CNKSR1: variants seen among roughly 807,000 people sequenced by gnomAD.
CNKSR1 encodes the protein connector enhancer of kinase suppressor of Ras 1, also known as CNK homolog protein 1.
CNKSR1 carries 88 observed loss-of-function variants against 95.6 expected under a neutral mutation model. The ratio of observed to expected loss-of-function variants is 0.92; its 90% confidence interval spans 0.78 to 1.10. CNKSR1 has a LOEUF of 1.10. Ranked by LOEUF, CNKSR1 falls within the 50% of genes least tolerant of loss-of-function variation. CNKSR1 has a pLI of 0.00. For synonymous variants in CNKSR1, 355 were observed against 369.7 expected, an observed-to-expected ratio of 0.96 and a Z score of 0.46; for missense variants, 836 against 912.0, an observed-to-expected ratio of 0.92 and a Z score of 1.07.
chr1:26,180,296 C>A, intron 1 of CNKSR1, 157 bp from the exon 2 acceptor site: 2 of 870,444 alleles, frequency 2.3e-6, no homozygotes, highest in Non-Finnish European at 3.7e-6. Flanking sequence ...TGCTTCTCAA[C>A]TCAGTGGCCT....
Position 26,180,807 on chromosome 1 carries a change from G to T in CNKSR1, c.303G>T (p.Leu101=). 1.2e-6 allele frequency: 2 copies of T among 1,614,220 alleles called. No homozygotes were observed. The highest frequency in any genetic ancestry group is 8.5e-7 in the Non-Finnish European group (1 of 1,180,048). Residue 101 remains leucine (L), a synonymous_variant, in exon 3 of 21, where the codon CTG becomes CTT. Transcript: ENST00000361530. ...HDFQSIVQGC[L]GDCAKTPIDV... is the part of the protein sequence containing the mutation. ...TCCAGAGCATAGTCCAAGGCTGCCT[G>T]GGGGACTGTGCCAAGACCCCTATTG...
rs772640646 is a variant in CNKSR1 at position 26,183,968 on chromosome 1, AC to A, written c.856-96del. On this transcript the variant is annotated intron_variant, in intron 9 of 20. Transcript: ENST00000361530. ...GCTGCGCCCCCCTAGCTCCCTTCAG[AC>A]CCCCCCACAGGTACCTGCTCCTGCT... The A allele has an allele frequency of 2.3e-5, 12 of 514,294 alleles. No individual in the cohort carries two copies. In the African/African-American group the frequency reaches 2.5e-4, roughly 11 times the overall value. 31.9% of individuals were successfully genotyped at this position (514,294 alleles called of 1,614,324 possible).
At chr1:26,185,364 A>G (rs946727524) in intron 14 of CNKSR1, among the ~76,000 whole-genome samples, 178 bp downstream of exon 14, 6 of 151,816 alleles carry the variant, frequency 4.0e-5, no homozygotes, top group South Asian at 2.1e-4. Context: ...AGTTTGGAAA[A>G]GGTATCATAG....
chr1:26,179,988 T>A (rs950766970), intron 1 of CNKSR1, among the ~76,000 whole-genome samples: 12 of 151,954 alleles, frequency 7.9e-5, no homozygotes, highest in Non-Finnish European at 1.6e-4. Flanking sequence ...ATACAAAAAT[T>A]AGCTGGGTGT....
chr1:26,183,512 G>A, intron 8 of CNKSR1, 98 bp downstream of exon 8: 1 of 1,349,692 alleles, frequency 7.4e-7, no homozygotes, highest in Non-Finnish European at 1.1e-6. Flanking sequence ...GACCAGGGTT[G>A]TGGGAGCTGC....
chr1:26,185,663 A>AT (rs1274539530), intron 14 of CNKSR1, among the ~76,000 whole-genome samples: 1 of 151,998 alleles, frequency 6.6e-6, no homozygotes, highest in Non-Finnish European at 1.5e-5. Context: ...AAGTGCTGGG[A>AT]TTACAGGCGT....
chr1:26,189,301 T>A lies in CNKSR1; in HGVS notation c.1895T>A (p.Val632Asp). Residue 632 changes from valine to aspartate, a missense_variant, in exon 21 of 21, where the codon GTC (valine) becomes GAC (aspartate). Transcript: ENST00000361530. The part of the protein sequence containing the change: ...TLKAKLQELQ[V>D]LEEVLGDPEL... ...CAGGCAAAGCTGCAGGAGCTGCAGG[T>A]CCTAGAAGAAGTGCTGGGTGACCCT... 6.2e-7 allele frequency: 1 copy of A among 1,614,050 alleles called. No homozygotes were observed. Among genetic ancestry groups the A allele is most frequent in the Non-Finnish European group, 8.5e-7 (1 of 1,179,988 alleles).
Position 26,183,383 on chromosome 1 carries a change from A to G in CNKSR1, c.722A>G (p.Asp241Gly). Residue 241 changes from aspartate to glycine, a missense_variant, in exon 8 of 21, where the codon GAC (aspartate) becomes GGC (glycine). By Grantham distance (94) the Asp-to-Gly change is moderately conservative (BLOSUM62 -1). Coordinates refer to ENST00000361530, the MANE Select transcript of CNKSR1 (RefSeq NM_006314.3). ...TCCCGACTGCAGATCCAGCCTGGAGACGAGGTTGTCCAGATCAACGAGCAG... is the reference window on the plus strand; with the variant it reads ...TCCCGACTGCAGATCCAGCCTGGAGGCGAGGTTGTCCAGATCAACGAGCAG... ...TDSRLQIQPGDEVVQINEQVV... is the reference protein window; with the variant it reads ...TDSRLQIQPGGEVVQINEQVV... 6.2e-7 allele frequency: 1 copy of G among 1,614,130 alleles called. No individual in the cohort carries two copies.
In CNKSR1 at chr1:26,187,164, C is replaced by T; in HGVS notation, c.1309-4C>T. 6.2e-7 allele frequency: 1 copy of T among 1,612,780 alleles called. No individual in the cohort carries two copies. The highest frequency in any genetic ancestry group is 8.5e-7 in the Non-Finnish European group (1 of 1,178,920). ...ACCTGACCCTCATGCTGTGATCCCC[C>T]CAGGATGAGAAGGCTGAGGGCCTCA... On this transcript the variant is annotated splice_polypyrimidine_tract_variant and splice_region_variant and intron_variant, in intron 14 of 20. Transcript: ENST00000361530.
At position 26,188,848 on chromosome 1, in the gene CNKSR1, G is replaced by T. The variant is rs549647149; in HGVS notation, c.1767G>T (p.Gln589His). ...GCGTGTCCCTCCTAGGCCAGCCACA[G>T]CCCCTGACCCAGGAACAGTGGCGGA... Reference protein sequence around the residue: ...QGGVSLLGQPQPLTQEQWRSS... With the variant: ...QGGVSLLGQPHPLTQEQWRSS... The change falls in exon 20 of 21, where the codon CAG (glutamine) becomes CAT (histidine). Residue 589 changes from glutamine to histidine, a missense_variant. By Grantham distance (24) the Gln-to-His change is conservative. Transcript: ENST00000361530. 1.9e-6 allele frequency: 3 copies of T among 1,613,692 alleles called. No homozygotes were observed. The African/African-American group carries it at 4.0e-5, about 22-fold the overall frequency.
chr1:26,183,905 ACCTGC>A, intron 9 of CNKSR1, 75 bp downstream of exon 9: 1 of 470,118 alleles, frequency 2.1e-6, no homozygotes, highest in South Asian at 1.7e-5. Context: ...CCACCCCCAC[ACCTGC>A]CTTCAGACCC....
intron 1 of CNKSR1, among the ~76,000 whole-genome samples, chr1:26,177,835 C>A (rs2088586905): frequency 6.6e-6 from 1 of 152,098 alleles, no homozygotes; most frequent in African/African-American, 2.4e-5. Context: ...GGGGTGGTGG[C>A]AGGTGCCTGT....
chr1:26,182,619 C>T, intron 6 of CNKSR1, 35 bp downstream of exon 6: 1 of 1,554,902 alleles, frequency 6.4e-7, no homozygotes, highest in Non-Finnish European at 8.8e-7. Flanking sequence ...ACTTCTGACC[C>T]CTTGGCAGCC....
Position 26,184,248 on chromosome 1 carries a change from T to A in CNKSR1, c.961T>A (p.Ser321Thr), listed in dbSNP as rs866662054. Residue 321 changes from serine (S) to threonine (T), a missense_variant, in exon 11 of 21, where the codon TCT (serine) becomes ACT (threonine). Transcript: ENST00000361530. Reference protein sequence around the residue: ...PSEDVFAFDLSSNPSPGPSPA... With the variant: ...PSEDVFAFDLTSNPSPGPSPA... ...TGAAGACGTCTTTGCCTTTGACCTG[T>A]CTTCAAACCCCAGTCCCGGACCCAG... 1.9e-6 allele frequency: 3 copies of A among 1,613,388 alleles called. No individual in the cohort carries two copies. The East Asian group carries it at 6.7e-5, about 36-fold the overall frequency.
chr1:26,188,592 C>T lies in CNKSR1; in HGVS notation c.1591-6C>T. 1 of 1,613,640 alleles carries T rather than the reference C, an allele frequency of 6.2e-7. No individual in the cohort carries two copies. Among genetic ancestry groups the T allele is most frequent in the Non-Finnish European group, 8.5e-7 (1 of 1,179,810 alleles). On this transcript the variant is annotated splice_region_variant and splice_polypyrimidine_tract_variant and intron_variant, in intron 18 of 20. Coordinates refer to ENST00000361530, the MANE Select transcript of CNKSR1 (RefSeq NM_006314.3). ...AAACCCTCTGTGCTTTCCACCCTGC[C>T]TGCAGCCCAGCCCTGCTCAAGCTGG...
In CNKSR1 at chr1:26,184,529, G is replaced by A. The variant is rs80305988; in HGVS notation, c.1107+22G>A. On this transcript the variant is annotated intron_variant, in intron 12 of 20. Coordinates refer to ENST00000361530, the MANE Select transcript of CNKSR1 (RefSeq NM_006314.3). The stretch of plus-strand genomic sequence containing the variant: ...CAAGGTAAGCTCAGGGGCTTAGCAA[G>A]GGGGTGGGTGGGTCTGGACCTAGAT... The A allele has an allele frequency of 3.2e-3, 5,136 of 1,607,068 alleles. 112 individuals carry two copies. The African/African-American group carries it at 0.054, about 17-fold the overall frequency.
chr1:26,183,470 G>A, intron 8 of CNKSR1, 56 bp downstream of exon 8: 3 of 1,575,630 alleles, frequency 1.9e-6, no homozygotes, highest in Non-Finnish European at 2.6e-6. Flanking sequence ...TGGAACCCAA[G>A]TCTGGTGGGT....
At chr1:26,184,894 T>C in intron 13 of CNKSR1, 120 bp from the exon 14 acceptor site, 1 of 1,071,236 alleles carries the variant, frequency 9.3e-7, no homozygotes, top group Admixed American at 2.4e-5. Flanking sequence ...ACATGTAGCA[T>C]TCTGAGCAGA....
chr1:26,185,067 C>A lies in CNKSR1; in HGVS notation c.1189C>A (p.Pro397Thr), dbSNP rs2088723940. The stretch of plus-strand genomic sequence containing the variant: ...GGTGTCATGCCGTGAGCTGGGCCGG[C>A]CGGACTGTGACGGCTGGCTCCTGTT... ...RRVSCRELGR[P>T]DCDGWLLLRK... The change falls in exon 14 of 21, where the codon CCG becomes ACG. Residue 397 changes from proline to threonine, a missense_variant. Physicochemically the swap from Pro to Thr is conservative, Grantham distance 38. Coordinates refer to ENST00000361530, the MANE Select transcript of CNKSR1 (RefSeq NM_006314.3). 2 of 1,605,490 alleles carry A rather than the reference C, an allele frequency of 1.2e-6. No homozygotes were observed. The highest frequency in any genetic ancestry group is 1.7e-6 in the Non-Finnish European group (2 of 1,178,450).
Sources: allele counts gnomAD v4.1 joint callset (sites outside exome capture counted in the v4.1 genomes callset), GRCh38; gene constraint gnomAD v4.1.1; transcripts MANE v1.5; gene names NCBI Gene and HGNC (gene_info 2026-07-23, HGNC 2026-07-21).